The following SELENON variants were observed in gnomAD, a reference collection of about 807,000 sequenced individuals.
The protein encoded by SELENON is selenoprotein N, also known as selenoprotein N, 1.
A neutral mutation model predicts 59.5 loss-of-function variants in SELENON; 44 were observed. The observed-to-expected ratio is 0.74, with a 90% confidence interval of 0.58 to 0.95. The LOEUF (loss-of-function observed/expected upper bound fraction) is 0.95, where lower values mean the gene tolerates loss of function less well. Among genes scored for constraint, SELENON ranks in the 40% least tolerant of loss-of-function variants. SELENON has a pLI of 0.00. For missense variants in SELENON, 674 were observed against 721.4 expected (o/e 0.93, Z 0.75); for synonymous variants, 320 against 305.6 (o/e 1.05, Z -0.49).
chr1:25,811,548 G>A lies in SELENON; in HGVS notation c.1092+13G>A. On this transcript the variant is annotated intron_variant, in intron 8 of 12. Coordinates refer to ENST00000361547, the MANE Select transcript of SELENON (RefSeq NM_020451.3). ...CTACATACCCCAGGTGAGCGCACAG[G>A]AGGCTCCCATCCAGGTGGGCTCGGC... 1 of 1,613,726 alleles carries A rather than the reference G, an allele frequency of 6.2e-7. No homozygotes were observed. Among genetic ancestry groups the A allele is most frequent in the Non-Finnish European group, 8.5e-7 (1 of 1,179,708 alleles).
At chr1:25,806,440 G>C (rs1462973355) in intron 4 of SELENON, among the ~76,000 whole-genome samples, 2 of 152,220 alleles carry the variant, frequency 1.3e-5, no homozygotes, top group African/African-American at 4.8e-5. Flanking sequence ...AGACGGAGGA[G>C]ATGGAGAGTA....
chr1:25,808,499 G>GGGAGACCTCCACCCACATGGTACA, intron 4 of SELENON, 81 bp from the exon 4 acceptor site: 1 of 1,546,324 alleles, frequency 6.5e-7, no homozygotes, highest in Non-Finnish European at 8.9e-7. Flanking sequence ...CGGGGCTTGA[G>GGGAGACCTCCACCCACATGGTACA]GGAGACCTCC....
At chr1:25,805,028 C>T (rs1260424229) in intron 3 of SELENON, 114 bp from the exon 3 acceptor site, 2 of 1,405,510 alleles carry the variant, frequency 1.4e-6, no homozygotes, top group African/African-American at 1.4e-5. Flanking sequence ...GTTAACACCC[C>T]AGCTACCCCC....
chr1:25,808,897 C>T (rs1323334582), intron 5 of SELENON, 108 bp downstream of exon 4: 11 of 1,571,712 alleles, frequency 7.0e-6, no homozygotes, highest in Admixed American at 6.7e-5. Flanking sequence ...ACCTGCTCTC[C>T]TGCCTTCCTC....
chr1:25,812,940 G>A (rs911034307), intron 10 of SELENON, 148 bp downstream of exon 9: 59 of 636,160 alleles, frequency 9.3e-5, no homozygotes, highest in Non-Finnish European at 1.1e-4. Flanking sequence ...GAGGGCTTGG[G>A]GGTTTCTGTG....
intron 5 of SELENON, 22 bp downstream of exon 4, chr1:25,808,811 C>T (rs1476412277): frequency 5.6e-6 from 9 of 1,613,144 alleles, no homozygotes; most frequent in Admixed American, 1.7e-5. Context: ...TGGGGTGCGA[C>T]GTGGGGCCCC....
rs200958015 is a variant in SELENON, at chr1:25,805,165, G to A, written c.427G>A (p.Glu143Lys). 209 of 1,605,924 alleles carry A rather than the reference G, an allele frequency of 1.3e-4. No homozygotes were observed. The African/African-American group carries it at 1.9e-3, about 15-fold the overall frequency. Residue 143 changes from glutamate to lysine, a missense_variant, in exon 4 of 13, where the codon GAG becomes AAG. Transcript: ENST00000361547. ...AGGGTCAACTCCCGCGGCCAGCTGC[G>A]AGGAGGAGGAGTTGCCCCCTGACCC...
chr1:25,805,673 C>T (rs2124443144), intron 4 of SELENON, among the ~76,000 whole-genome samples: 1 of 152,110 alleles, frequency 6.6e-6, no homozygotes, highest in East Asian at 1.9e-4. Flanking sequence ...TTACTTCCCA[C>T]ACATCCATCT....
At chr1:25,803,720 T>A (rs938231948) in intron 3 of SELENON, among the ~76,000 whole-genome samples, 8 of 151,726 alleles carry the variant, frequency 5.3e-5, no homozygotes, top group Non-Finnish European at 1.2e-4. Context: ...TTTTTTGTTT[T>A]TTTTTTTGAG....
chr1:25,813,527 T>C (rs1389502169), intron 10 of SELENON: 3 of 378,848 alleles, frequency 7.9e-6, no homozygotes, highest in Non-Finnish European at 1.6e-5. Flanking sequence ...CGCTGAGACT[T>C]TGAAGGATGA....
rs867165980 is a variant in SELENON, at chr1:25,809,089, C to T, written c.811C>T (p.Pro271Ser). ...GCCCTTTGTGAAGACCCGCTTTGCC[C>T]CTCAGGGAGCTGTGGCCTGCCTGAC... is the stretch of plus-strand genomic sequence containing the variant. Residue 271 changes from proline (P) to serine (S), a missense_variant, in exon 6 of 13, where the codon CCT becomes TCT. Pro to Ser is a moderately conservative substitution (Grantham distance 74, BLOSUM62 -1). Coordinates refer to ENST00000361547, the MANE Select transcript of SELENON (RefSeq NM_020451.3). The T allele has an allele frequency of 6.2e-7, 1 of 1,613,868 alleles. No individual in the cohort carries two copies.
chr1:25,801,143 T>G lies in SELENON; in HGVS notation c.284T>G (p.Ile95Ser). Reference sequence around the variant, plus strand: ...ATCAGCCCTGAGGAGTTCAAACCCATTGCTGAGAAGCTAACAGGTACCAGG... The same window carrying G: ...ATCAGCCCTGAGGAGTTCAAACCCAGTGCTGAGAAGCTAACAGGTACCAGG... The change falls in exon 2 of 13, where the codon ATT becomes AGT. Residue 95 changes from isoleucine to serine, a missense_variant. By Grantham distance (142) the Ile-to-Ser change is moderately radical (BLOSUM62 -2). Transcript: ENST00000361547. The G allele has an allele frequency of 1.2e-6, 2 of 1,613,792 alleles. No individual in the cohort carries two copies. Among genetic ancestry groups the G allele is most frequent in the Non-Finnish European group, 1.7e-6 (2 of 1,179,748 alleles).
chr1:25,809,052 G>T lies in SELENON; in HGVS notation c.774G>T (p.Met258Ile), dbSNP rs1015964084. ...TCATCATCCACCGGCTCCTGAGCAT[G>T]TTCCACCCTCGGCCCTTTGTGAAGA... The change falls in exon 6 of 13, where the codon ATG (methionine) becomes ATT (isoleucine). Residue 258 changes from methionine (M) to isoleucine (I), a missense_variant. Met to Ile is a conservative substitution (Grantham distance 10, BLOSUM62 1). Transcript: ENST00000361547. 3.7e-6 allele frequency: 6 copies of T among 1,613,816 alleles called. No homozygotes were observed. The highest frequency in any genetic ancestry group is 1.7e-5 in the Admixed American group (1 of 60,036).
chr1:25,817,074 C>G lies in SELENON; in HGVS notation c.*1356C>G, dbSNP rs1470031738. On this transcript the variant is annotated 3_prime_UTR_variant, in exon 13 of 13. Transcript: ENST00000361547. ...CAGTTCTCTCCCCACCCCCTCACCCCACCCGGGGCTCACTCAGCCTGGCAG... is the reference window on the plus strand; with the variant it reads ...CAGTTCTCTCCCCACCCCCTCACCCGACCCGGGGCTCACTCAGCCTGGCAG... The G allele has an allele frequency of 6.6e-6, 1 of 151,962 alleles. No homozygotes were observed. Among genetic ancestry groups the G allele is most frequent in the Non-Finnish European group, 1.5e-5 (1 of 68,042 alleles). 9.4% of individuals were successfully genotyped at this position (151,962 alleles called of 1,614,324 possible). A position where few individuals can be genotyped will look rare whatever the true frequency, so the allele number is the denominator to read the frequency against.
chr1:25,807,656 C>T lies in SELENON; in HGVS notation c.538-924C>T, dbSNP rs1025896742. Among the ~76,000 whole-genome samples the T allele has an allele frequency of 1.3e-5, 2 of 152,172 alleles. No homozygotes were observed. Among genetic ancestry groups the T allele is most frequent in the African/African-American group, 2.4e-5 (1 of 41,460 alleles). On this transcript the variant is annotated intron_variant, in intron 4 of 12. Coordinates refer to ENST00000361547, the MANE Select transcript of SELENON (RefSeq NM_020451.3). The surrounding 1 kb of genome is among the most constrained non-coding windows in gnomAD (Gnocchi z 4.5). Reference sequence around the variant, plus strand: ...CCAGGAAGGCGGGCTCGGCCTGGCCCGGCACAGCCAGCTCTGCCTTGAGAA... The same window carrying T: ...CCAGGAAGGCGGGCTCGGCCTGGCCTGGCACAGCCAGCTCTGCCTTGAGAA...
chr1:25,814,493 G>A (rs2047994552), intron 12 of SELENON, among the ~76,000 whole-genome samples: 1 of 152,234 alleles, frequency 6.6e-6, no homozygotes, highest in Non-Finnish European at 1.5e-5. Flanking sequence ...CCAGTCCTGG[G>A]ATGGAAGGGG....
In SELENON at chr1:25,800,423, C is replaced by A; in HGVS notation, c.183+10C>A. ...GGCGGCCGCGCGGCAGGTCCGGGCC[C>A]GAGCTGGCTGGGGCGGGAGCGCGGG... On this transcript the variant is annotated intron_variant, in intron 1 of 12. Transcript: ENST00000361547. 3 of 1,096,910 alleles carry A rather than the reference C, an allele frequency of 2.7e-6. No homozygotes were observed. Among genetic ancestry groups the A allele is most frequent in the Middle Eastern group, 8.0e-4 (2 of 2,494 alleles). 67.9% of individuals were successfully genotyped at this position (1,096,910 alleles called of 1,614,324 possible).
chr1:25,809,915 C>T (rs1162396732), intron 7 of SELENON, 95 bp downstream of exon 6: 4 of 1,492,430 alleles, frequency 2.7e-6, no homozygotes, highest in East Asian at 2.3e-5. Flanking sequence ...GTCTCTGCCC[C>T]TTCCTTTGCT....
intron 5 of SELENON, 64 bp from the exon 5 acceptor site, chr1:25,808,962 C>T: frequency 1.9e-6 from 3 of 1,611,934 alleles, no homozygotes; most frequent in Non-Finnish European, 2.5e-6. Flanking sequence ...GGCTGACCCC[C>T]ACCCCAGCGG....
Sources: gnomAD v4.1 joint callset for allele counts (sites outside exome capture counted in the v4.1 genomes callset) on GRCh38, gnomAD v4.1.1 for gene constraint, Gnocchi (gnomAD v3.1) non-coding constraint, MANE v1.5 for transcripts, NCBI Gene and HGNC (gene_info 2026-07-23, HGNC 2026-07-21) for gene names.